Variants in FOXO3B observed in about 807,000 individuals in gnomAD.
FOXO3B encodes forkhead box O3B, also known as forkhead box protein O3B.
Under a neutral mutation model 21.9 loss-of-function variants are expected in FOXO3B, and 15 were observed. The ratio of observed to expected loss-of-function variants is 0.68; its 90% CI spans 0.46 to 1.05. The LOEUF is 1.05. Ranked by LOEUF, FOXO3B falls within the 50% of genes least tolerant of loss-of-function variation. The pLI, the probability that FOXO3B is intolerant of heterozygous loss-of-function variation, is 0.00. For synonymous variants in FOXO3B, 135 were observed against 213.6 expected (o/e 0.63, Z 3.21); for missense variants, 293 against 435.5 (o/e 0.67, Z 2.91).
Position 18,672,850 on chromosome 17 carries a change from C to T in FOXO3B, c.332G>A (p.Ser111Asn). 1.9e-6 allele frequency: 3 copies of T among 1,557,652 alleles called. No individual in the cohort carries two copies. Among genetic ancestry groups the T allele is most frequent in the Non-Finnish European group, 2.6e-6 (3 of 1,154,138 alleles). Residue 111 changes from serine (S) to asparagine (N), a missense_variant, in exon 4 of 4, where the codon AGC becomes AAC. Coordinates refer to ENST00000395675, the MANE Select transcript of FOXO3B (RefSeq NM_001368135.1). The surrounding 1 kb of genome is among the most constrained non-coding windows in gnomAD (Gnocchi z 4.2). ...VELDPEFEPQ[S>N]RPRSCTWPLQ... The stretch of plus-strand genomic sequence containing the variant: ...GGGCCACGTACAGGATCGCGGACGG[C>T]TCTGGGGCTCGAACTCCGGGTCCAG...
At position 18,677,426 on chromosome 17, in the gene FOXO3B, A is replaced by T. The variant is rs193065486; in HGVS notation, c.126+3315T>A. On this transcript the variant is annotated intron_variant, in intron 3 of 3. Coordinates refer to ENST00000395675, the MANE Select transcript of FOXO3B (RefSeq NM_001368135.1). Reference sequence around the variant, plus strand: ...CGGCTGAGCTGGGCATCCGACACGTACTGCTGACCATCAAGTGCCTGCTGA... The same window carrying T: ...CGGCTGAGCTGGGCATCCGACACGTTCTGCTGACCATCAAGTGCCTGCTGA... 5.1e-4 allele frequency: 830 copies of T among 1,614,154 alleles called. 7 individuals are homozygous for T. The African/African-American group carries it at 9.9e-3, about 19-fold the overall frequency.
In FOXO3B at chr17:18,677,592, G is replaced by A. The variant is rs1204895089; in HGVS notation, c.126+3149C>T. ...CGGGCCCAGCGGCAGGGCCAAAGCCGGGCGGGCCCTGGCCAGTGGCACTGC... is the reference window on the plus strand; with the variant it reads ...CGGGCCCAGCGGCAGGGCCAAAGCCAGGCGGGCCCTGGCCAGTGGCACTGC... On this transcript the variant is annotated intron_variant, in intron 3 of 3. Coordinates refer to ENST00000395675, the MANE Select transcript of FOXO3B (RefSeq NM_001368135.1). 68 of 1,603,432 alleles carry A rather than the reference G, an allele frequency of 4.2e-5. 2 individuals carry two copies. The highest frequency in any genetic ancestry group is 5.4e-5 in the Non-Finnish European group (63 of 1,176,228).
chr17:18,672,718 C>G lies in FOXO3B; in HGVS notation c.464G>C (p.Gly155Ala), dbSNP rs1481998636. The G allele has an allele frequency of 4.6e-6, 7 of 1,528,752 alleles. No homozygotes were observed. In the South Asian group the frequency reaches 8.4e-5, roughly 18 times the overall value. 94.7% of individuals were successfully genotyped at this position (1,528,752 alleles called of 1,614,324 possible). ...EEDDEDDEDG[G>A]GRAGSAMAIG... is the part of the protein sequence containing the mutation. Reference sequence around the variant, plus strand: ...CGCCATGGCCGAGCCGGCCCGTCCCCCGCCGTCCTCGTCGTCTTCATCGTC... The same window carrying G: ...CGCCATGGCCGAGCCGGCCCGTCCCGCGCCGTCCTCGTCGTCTTCATCGTC... Residue 155 changes from glycine (G) to alanine (A), a missense_variant, in exon 4 of 4, where the codon GGG becomes GCG. Gly to Ala is a moderately conservative substitution (Grantham distance 60). Transcript: ENST00000395675. The surrounding 1 kb of genome is among the most constrained non-coding windows in gnomAD (Gnocchi z 4.2).
In FOXO3B at chr17:18,671,704, T is replaced by C. The variant is rs2032367849; in HGVS notation, c.*605A>G. On this transcript the variant is annotated 3_prime_UTR_variant, in exon 4 of 4. Coordinates refer to ENST00000395675, the MANE Select transcript of FOXO3B (RefSeq NM_001368135.1). ...TACGGGAAGCTAGAACTCCGCTGCA[T>C]GAGTCCCCCAGTGGGCGATGGCTGG... 1 of 1,613,612 alleles carries C rather than the reference T, an allele frequency of 6.2e-7. No individual in the cohort carries two copies. Among genetic ancestry groups the C allele is most frequent in the Non-Finnish European group, 8.5e-7 (1 of 1,180,008 alleles).
intron 3 of FOXO3B, among the ~76,000 whole-genome samples, chr17:18,675,252 C>G (rs1031227873): frequency 3.3e-5 from 5 of 151,338 alleles, no homozygotes; most frequent in African/African-American, 1.2e-4. Flanking sequence ...TTTTAAGCAG[C>G]ACTGAAAAGG....
chr17:18,679,707 C>G (rs1285807051), intron 3 of FOXO3B, among the ~76,000 whole-genome samples: 1 of 152,132 alleles, frequency 6.6e-6, no homozygotes, highest in Non-Finnish European at 1.5e-5. Flanking sequence ...CTTAGCCTCT[C>G]AAAGTGCTGG....
chr17:18,678,226 A>G (rs1341216227), intron 3 of FOXO3B, among the ~76,000 whole-genome samples: 1 of 152,234 alleles, frequency 6.6e-6, no homozygotes, highest in African/African-American at 2.4e-5. Flanking sequence ...CACATGTATT[A>G]TATGTGAATG....
At chr17:18,678,645 A>G (rs1055853380) in intron 3 of FOXO3B, among the ~76,000 whole-genome samples, 2 of 151,960 alleles carry the variant, frequency 1.3e-5, no homozygotes, top group Non-Finnish European at 2.9e-5. Context: ...AGAGAGTTTT[A>G]AAAATTTTCC....
intron 3 of FOXO3B, chr17:18,677,309 C>T (rs1757517948): frequency 6.2e-7 from 1 of 1,613,708 alleles, no homozygotes; most frequent in Admixed American, 1.7e-5. Context: ...TCCCTGCCTC[C>T]CCACCCAAGG....
rs2032341651 is a variant in FOXO3B at position 18,670,413 on chromosome 17, T to G, written c.*1896A>C. ...AATGGTAACTGGTACAACATTGTCT[T>G]TCTGTTTTTAAATTTGCTAGGGGAA... On this transcript the variant is annotated 3_prime_UTR_variant, in exon 4 of 4. Transcript: ENST00000395675. Among the ~76,000 whole-genome samples, 1 of 152,252 alleles carries G rather than the reference T, an allele frequency of 6.6e-6. No individual in the cohort carries two copies. The highest frequency in any genetic ancestry group is 2.1e-4 in the South Asian group (1 of 4,838).
intron 3 of FOXO3B, among the ~76,000 whole-genome samples, chr17:18,678,140 G>A (rs2032527157): frequency 6.6e-6 from 1 of 151,654 alleles, no homozygotes; most frequent in African/African-American, 2.4e-5. Flanking sequence ...ACAAACAGCA[G>A]GAAAACTACA....
At chr17:18,677,911 C>CAAA (rs57669387) in intron 3 of FOXO3B, among the ~76,000 whole-genome samples, 168 of 92,572 alleles carry the variant, frequency 1.8e-3, no homozygotes, top group Non-Finnish European at 2.1e-3. Context: ...GTTGGAAAAG[C>CAAA]AAAAAAAAAA....
In FOXO3B at chr17:18,670,147, C is replaced by T. The variant is rs1183812292; in HGVS notation, c.*2162G>A. On this transcript the variant is annotated 3_prime_UTR_variant, in exon 4 of 4. Coordinates refer to ENST00000395675, the MANE Select transcript of FOXO3B (RefSeq NM_001368135.1). ...AGACCTGGTGCTGGGGTCCCGTCCA[C>T]AGATCACCCTGACTCAGAACTGGAA... is the stretch of plus-strand genomic sequence containing the variant. 6.6e-6 allele frequency among the ~76,000 whole-genome samples: 1 copy of T among 152,208 alleles called. No homozygotes were observed. The highest frequency in any genetic ancestry group is 1.5e-5 in the Non-Finnish European group (1 of 68,040).
At chr17:18,681,081 A>C (rs1330372379) in intron 2 of FOXO3B, among the ~76,000 whole-genome samples, 2 of 151,946 alleles carry the variant, frequency 1.3e-5, no homozygotes, top group African/African-American at 4.8e-5. Flanking sequence ...TAGAAATTAG[A>C]ATATGTCAGT....
chr17:18,677,911 C>CAAAA (rs57669387), intron 3 of FOXO3B, among the ~76,000 whole-genome samples: 976 of 92,068 alleles, frequency 0.011, no homozygotes, highest in East Asian at 0.015. Flanking sequence ...GTTGGAAAAG[C>CAAAA]AAAAAAAAAA....
At position 18,671,520 on chromosome 17, in the gene FOXO3B, G is replaced by A; in HGVS notation, c.*789C>T. The A allele has an allele frequency of 1.3e-6, 2 of 1,597,118 alleles. No homozygotes were observed. Among genetic ancestry groups the A allele is most frequent in the Non-Finnish European group, 1.7e-6 (2 of 1,165,726 alleles). ...GTCCGAAGTGAGCAGGTCCTGGAGT[G>A]TCTGGTTACCATAGTGTGACATGGA... On this transcript the variant is annotated 3_prime_UTR_variant, in exon 4 of 4. Transcript: ENST00000395675.
chr17:18,682,062 A>G (rs1044686456), intron 1 of FOXO3B, 142 bp downstream of exon 1: 12 of 609,588 alleles, frequency 2.0e-5, no homozygotes, highest in Non-Finnish European at 3.0e-6. Flanking sequence ...ATCAGGCCAG[A>G]GTGAGAAGGG....
chr17:18,672,511 C>T lies in FOXO3B; in HGVS notation c.671G>A (p.Gly224Glu). 6.6e-7 allele frequency: 1 copy of T among 1,518,704 alleles called. No individual in the cohort carries two copies. Among genetic ancestry groups the T allele is most frequent in the Non-Finnish European group, 8.8e-7 (1 of 1,130,872 alleles). The allele number at this position is 1,518,704 out of a possible 1,614,324, so 94.1% of individuals were successfully genotyped here. A position where few individuals can be genotyped will look rare whatever the true frequency, so the allele number is the denominator to read the frequency against. Residue 224 changes from glycine (G) to glutamate (E), a missense_variant, in exon 4 of 4, where the codon GGG becomes GAG. Gly to Glu is a moderately conservative substitution (Grantham distance 98). Transcript: ENST00000395675. The surrounding 1 kb of genome is among the most constrained non-coding windows in gnomAD (Gnocchi z 4.2). The stretch of plus-strand genomic sequence containing the variant: ...CGGCTGCCCGGAGCCCCCAGCCGCC[C>T]CCGGCTGCGGCGGTGGCAGCGGTTG... ...PQQPLPPPQPGAAGGSGQPRK... is the reference protein window; with the variant it reads ...PQQPLPPPQPEAAGGSGQPRK...
intron 3 of FOXO3B, chr17:18,677,535 C>A (rs1388402438): frequency 2.9e-5 from 47 of 1,610,852 alleles, no homozygotes; most frequent in African/African-American, 1.1e-4. Flanking sequence ...GGCTCGGGCC[C>A]GTCTGCTCAC....
Sources: allele counts gnomAD v4.1 joint callset (sites outside exome capture counted in the v4.1 genomes callset), GRCh38; gene constraint gnomAD v4.1.1; non-coding constraint Gnocchi (gnomAD v3.1); transcripts MANE v1.5; gene names NCBI Gene and HGNC (gene_info 2026-07-23, HGNC 2026-07-21).